DNAH6: variants seen among roughly 807,000 people sequenced by gnomAD.
DNAH6 encodes the protein dynein axonemal heavy chain 6.
Under a neutral mutation model 491.4 loss-of-function variants are expected in DNAH6, and 340 were observed. That is an observed-to-expected ratio of 0.69 (90% CI 0.63 to 0.76). The LOEUF is 0.76. Ranked by LOEUF, DNAH6 falls within the 30% of genes least tolerant of loss-of-function variation. The probability of loss-of-function intolerance (pLI) is 0.00; values close to 1 mark genes in which losing one functional copy is unlikely to be tolerated. For synonymous variants in DNAH6, 1,603 were observed against 1,686.1 expected, an observed-to-expected ratio of 0.95 and a Z score of 1.21; for missense variants, 4,443 against 4,972.2, an observed-to-expected ratio of 0.89 and a Z score of 3.20.
At chr2:84,681,126 A>G (rs1249865800) in intron 41 of DNAH6, among the ~76,000 whole-genome samples, 2 of 152,148 alleles carry the variant, frequency 1.3e-5, no homozygotes, top group Non-Finnish European at 2.9e-5. Flanking sequence ...ATGTAAATTC[A>G]CTAGTCAGAT....
At chr2:84,817,408 A>C (rs138953415) in intron 76 of DNAH6, among the ~76,000 whole-genome samples, 8 of 152,230 alleles carry the variant, frequency 5.3e-5, no homozygotes, top group Middle Eastern at 3.2e-3. Flanking sequence ...AGGGAAGTGA[A>C]TAAAGACAGT....
rs1678473882 is a variant in DNAH6, at chr2:84,797,550, A to C, written c.11373A>C (p.Ala3791=). 2 of 1,551,556 alleles carry C rather than the reference A, an allele frequency of 1.3e-6. No homozygotes were observed. Among genetic ancestry groups the C allele is most frequent in the Non-Finnish European group, 1.7e-6 (2 of 1,146,918 alleles). The change falls in exon 70 of 77, where the codon GCA becomes GCC. Residue 3791 remains alanine (A), a synonymous_variant. Coordinates refer to ENST00000389394, the MANE Select transcript of DNAH6 (RefSeq NM_001370.2). ...TTTTAATAACAGGCATCTATTTTGC[A>C]CCCATGGCTGACAGCCTACAAGAGT... is the stretch of plus-strand genomic sequence containing the variant. ...YKYSESGIYF[A]PMADSLQEFK...
chr2:84,703,484 G>A lies in DNAH6; in HGVS notation c.8151G>A (p.Glu2717=). Residue 2717 remains glutamate (E), a synonymous_variant, in exon 50 of 77, where the codon GAG becomes GAA. Coordinates refer to ENST00000389394, the MANE Select transcript of DNAH6 (RefSeq NM_001370.2). ...TGAAACTAGATCTTTCAGCTTTAGA[G>A]CCTGTACTTTTAGCAAAATCAGAAG... is the stretch of plus-strand genomic sequence containing the variant. ...DKMKLDLSAL[E]PVLLAKSEDV... 6.4e-7 allele frequency: 1 copy of A among 1,551,414 alleles called. No homozygotes were observed. The highest frequency in any genetic ancestry group is 1.2e-5 in the South Asian group (1 of 84,004).
At chr2:84,668,025 G>A (rs556427782) in intron 37 of DNAH6, among the ~76,000 whole-genome samples, 49 of 152,234 alleles carry the variant, frequency 3.2e-4, no homozygotes, top group Non-Finnish European at 6.0e-4. Flanking sequence ...TCATTCATAG[G>A]TGGGAATTGA....
At chr2:84,609,218 T>C (rs769688500) in intron 21 of DNAH6, among the ~76,000 whole-genome samples, 2 of 152,168 alleles carry the variant, frequency 1.3e-5, no homozygotes, top group Non-Finnish European at 2.9e-5. Context: ...TTGGCTTTTA[T>C]CATTTGTGTC....
chr2:84,663,573 G>A (rs1301739428), intron 37 of DNAH6, among the ~76,000 whole-genome samples: 2 of 152,134 alleles, frequency 1.3e-5, no homozygotes, highest in East Asian at 3.9e-4. Flanking sequence ...AATGAACAAA[G>A]CCTCCAAGAT....
chr2:84,515,716 C>A (rs1675545037), upstream of DNAH6, among the ~76,000 whole-genome samples: 2 of 152,092 alleles, frequency 1.3e-5, no homozygotes, highest in African/African-American at 4.8e-5. Context: ...GATTTCTTCC[C>A]CTGATCAGTA....
chr2:84,757,956 T>C (rs1271967113), intron 63 of DNAH6, among the ~76,000 whole-genome samples: 1 of 152,224 alleles, frequency 6.6e-6, no homozygotes, highest in Non-Finnish European at 1.5e-5. Context: ...AACCATGTTC[T>C]TGGGTATATG....
intron 33 of DNAH6, among the ~76,000 whole-genome samples, chr2:84,646,088 A>C (rs1689865261): frequency 2.0e-5 from 3 of 152,198 alleles, no homozygotes; most frequent in Admixed American, 2.0e-4. Context: ...TGTGTTCACC[A>C]TGTGTATATG....
At chr2:84,494,941 A>G in the DNAH6 span, among the ~76,000 whole-genome samples, 5 of 152,326 alleles carry the variant, frequency 3.3e-5, no homozygotes, top group East Asian at 1.9e-4. Context: ...GGTGATGCCA[A>G]TGCTGCTAGT....
Position 84,677,030 on chromosome 2 carries a change from C to T in DNAH6, c.6638C>T (p.Ala2213Val), listed in dbSNP as rs550346079. The T allele has an allele frequency of 2.6e-5, 41 of 1,551,784 alleles. No individual in the cohort carries two copies. The highest frequency in any genetic ancestry group is 3.3e-5 in the Non-Finnish European group (38 of 1,146,980). The change falls in exon 41 of 77, where the codon GCA becomes GTA. Residue 2213 changes from alanine to valine, a missense_variant. This residue lies in a region of DNAH6 where 2,977 missense variants were observed against 3,296.6 expected (regional missense o/e 0.90). Coordinates refer to ENST00000389394, the MANE Select transcript of DNAH6 (RefSeq NM_001370.2). ...IQDVTIISAC[A>V]PPGGGRNPVT... ...GATGTAACAATCATATCGGCATGTG[C>T]ACCTCCAGGCGGTGGCCGCAACCCT...
At chr2:84,689,528 C>T (rs1338937991) in intron 45 of DNAH6, among the ~76,000 whole-genome samples, 1 of 152,186 alleles carries the variant, frequency 6.6e-6, no homozygotes, top group African/African-American at 2.4e-5. Context: ...GGTTTCTCAA[C>T]ATGGTGGCTC....
chr2:84,762,915 G>A lies in DNAH6; in HGVS notation c.10673G>A (p.Arg3558Lys), dbSNP rs1674726332. ...TCAGATCCCATGGGTGCATTTCAGAGGTTTGCCAGGGAAAGTGGATATTCA... is the reference window on the plus strand; with the variant it reads ...TCAGATCCCATGGGTGCATTTCAGAAGTTTGCCAGGGAAAGTGGATATTCA... Reference protein sequence around the residue: ...TGSDPMGAFQRFARESGYSER... With the variant: ...TGSDPMGAFQKFARESGYSER... The change falls in exon 64 of 77, where the codon AGG becomes AAG. Residue 3558 changes from arginine (R) to lysine (K), a missense_variant. Physicochemically the swap from Arg to Lys is conservative, Grantham distance 26. This residue lies in a region of DNAH6 where 1,463 missense variants were observed against 1,656.6 expected (regional missense o/e 0.88). Coordinates refer to ENST00000389394, the MANE Select transcript of DNAH6 (RefSeq NM_001370.2). The A allele has an allele frequency of 1.9e-6, 3 of 1,551,304 alleles. No individual in the cohort carries two copies. Among genetic ancestry groups the A allele is most frequent in the Admixed American group, 2.0e-5 (1 of 50,918 alleles).
At chr2:84,736,931 C>T (rs369343467) in intron 62 of DNAH6, among the ~76,000 whole-genome samples, 6 of 152,020 alleles carry the variant, frequency 3.9e-5, no homozygotes, top group African/African-American at 1.4e-4. Context: ...ATGCTTCCAG[C>T]TATTGTCCTT....
rs760766835 is a variant in DNAH6 at position 84,686,624 on chromosome 2, A to G, written c.7137+67A>G. On this transcript the variant is annotated intron_variant, in intron 44 of 76. Transcript: ENST00000389394. ...AAGCATTTATTATTTTCCAATTCAAATGAATATTCTATAAAAACTTTACAT... is the reference window on the plus strand; with the variant it reads ...AAGCATTTATTATTTTCCAATTCAAGTGAATATTCTATAAAAACTTTACAT... 125 of 1,001,838 alleles carry G rather than the reference A, an allele frequency of 1.2e-4. No individual in the cohort carries two copies. The highest frequency in any genetic ancestry group is 1.6e-4 in the Non-Finnish European group (108 of 678,434). The allele number at this position is 1,001,838 out of a possible 1,614,324, so 62.1% of individuals were successfully genotyped here.
chr2:84,734,231 C>T (rs1015381455), intron 62 of DNAH6, among the ~76,000 whole-genome samples: 1 of 150,838 alleles, frequency 6.6e-6, no homozygotes, highest in Non-Finnish European at 1.5e-5. Flanking sequence ...CTGCAAGCTC[C>T]GCCTCCCGGG....
rs752517171 is a variant in DNAH6, at chr2:84,785,657, A to G, written c.11001A>G (p.Ala3667=). 1.0e-5 allele frequency: 16 copies of G among 1,548,888 alleles called. No individual in the cohort carries two copies. The South Asian group carries it at 1.9e-4, about 19-fold the overall frequency. The change falls in exon 67 of 77, where the codon GCA becomes GCG. Residue 3667 remains alanine (A), a synonymous_variant. Coordinates refer to ENST00000389394, the MANE Select transcript of DNAH6 (RefSeq NM_001370.2). ...GCTTACGTGCAAATATCAGACGAGCATTTACTGAAATGACACCTTCGTTTT... is the reference window on the plus strand; with the variant it reads ...GCTTACGTGCAAATATCAGACGAGCGTTTACTGAAATGACACCTTCGTTTT... ...PKGLRANIRR[A]FTEMTPSFFE... is the part of the protein sequence containing the mutation.
At position 84,583,971 on chromosome 2, in the gene DNAH6, T is replaced by G. The variant is rs1186095323; in HGVS notation, c.2230-28T>G. 4.4e-6 allele frequency: 7 copies of G among 1,609,004 alleles called. No homozygotes were observed. The East Asian group carries it at 1.6e-4, about 36-fold the overall frequency. ...AGACTAAACTAGGATTCTGCTACAT[T>G]TAATGAGCAAACTATGTTTCCATTT... On this transcript the variant is annotated intron_variant, in intron 14 of 76. Transcript: ENST00000389394.
chr2:84,704,540 T>G (rs554576000), intron 51 of DNAH6, among the ~76,000 whole-genome samples: 1 of 152,330 alleles, frequency 6.6e-6, no homozygotes, highest in South Asian at 2.1e-4. Context: ...ACATGAAAAC[T>G]AATAATTTCA....
Sources: allele counts gnomAD v4.1 joint callset (sites outside exome capture counted in the v4.1 genomes callset), GRCh38; gene constraint gnomAD v4.1.1; regional missense constraint gnomAD v4.1.1; transcripts MANE v1.5; gene names NCBI Gene and HGNC (gene_info 2026-07-23, HGNC 2026-07-21).